IQCM: variants seen among roughly 807,000 people sequenced by gnomAD.
IQCM encodes the protein IQ domain-containing protein M.
Under a neutral mutation model 57.6 loss-of-function variants are expected in IQCM, and 45 were observed. The observed-to-expected ratio is 0.78, with a 90% CI of 0.62 to 1.00. The LOEUF (loss-of-function observed/expected upper bound fraction) is 1.00, where lower values mean the gene tolerates loss of function less well. Among genes scored for constraint, IQCM ranks in the 50% least tolerant of loss-of-function variants. The pLI is 0.00. For synonymous variants in IQCM, 148 were observed against 158.9 expected (o/e 0.93, Z 0.51); for missense variants, 468 against 511.6 (o/e 0.91, Z 0.82).
intron 8 of IQCM, among the ~76,000 whole-genome samples, chr4:149,615,240 T>G (rs1342551633): frequency 2.6e-5 from 4 of 152,126 alleles, no homozygotes; most frequent in Admixed American, 6.6e-5. Context: ...GATGAGAAAT[T>G]GCCTCAAGAA....
At chr4:149,524,412 T>G (rs1027874135) in intron 12 of IQCM, among the ~76,000 whole-genome samples, 1 of 152,100 alleles carries the variant, frequency 6.6e-6, no homozygotes. Context: ...TTAAGAGCTG[T>G]AAATTTAAGA....
At chr4:149,383,024 G>C (rs1307964343) in intron 13 of IQCM, among the ~76,000 whole-genome samples, 1 of 150,430 alleles carries the variant, frequency 6.6e-6, no homozygotes, top group Non-Finnish European at 1.5e-5. Context: ...ATTATACTGA[G>C]GCATCAATAC....
At chr4:149,759,191 TA>T (rs1202309102) in intron 2 of IQCM, among the ~76,000 whole-genome samples, 1 of 152,170 alleles carries the variant, frequency 6.6e-6, no homozygotes, top group Non-Finnish European at 1.5e-5. Context: ...TAATTTCAAC[TA>T]TATGATATTC....
chr4:149,743,619 G>A (rs1269749120), intron 2 of IQCM, among the ~76,000 whole-genome samples: 1 of 152,100 alleles, frequency 6.6e-6, no homozygotes, highest in African/African-American at 2.4e-5. Context: ...CTAGGCATCT[G>A]GCATTTTTGA....
intron 2 of IQCM, among the ~76,000 whole-genome samples, chr4:149,798,351 A>G (rs1004960474): frequency 6.6e-6 from 1 of 152,082 alleles, no homozygotes; most frequent in Non-Finnish European, 1.5e-5. Context: ...TGAATACACA[A>G]AAAATATAAA....
intron 2 of IQCM, among the ~76,000 whole-genome samples, chr4:149,758,084 G>A (rs937281807): frequency 5.3e-5 from 8 of 152,052 alleles, no homozygotes; most frequent in African/African-American, 1.7e-4. Context: ...ATAGATAAGT[G>A]GAACAGAATG....
rs188233791 is a variant in IQCM at position 149,570,803 on chromosome 4, T to C, written c.750-6913A>G. 7.9e-5 allele frequency among the ~76,000 whole-genome samples: 12 copies of C among 152,194 alleles called. No individual in the cohort carries two copies. In the East Asian group the frequency reaches 1.6e-3, roughly 20 times the overall value. ...ACTCAGTAAAACACCAAGTTAATGA[T>C]ATTGAATCAAAAGTTGCTAGAACAT... On this transcript the variant is annotated intron_variant, in intron 9 of 13. Coordinates refer to ENST00000636793, the MANE Select transcript of IQCM (RefSeq NM_001363507.2).
chr4:149,512,328 G>A (rs144508190), intron 12 of IQCM, among the ~76,000 whole-genome samples: 3 of 152,188 alleles, frequency 2.0e-5, no homozygotes, highest in Admixed American at 1.3e-4. Context: ...TAGAAATTGG[G>A]GATTTCAGCA....
intron 8 of IQCM, among the ~76,000 whole-genome samples, chr4:149,615,216 T>C (rs1299059547): frequency 6.6e-6 from 1 of 152,162 alleles, no homozygotes; most frequent in African/African-American, 2.4e-5. Context: ...GCAAACCTTT[T>C]AAAGAAGAGT....
At chr4:149,600,909 C>A (rs1287696469) in intron 8 of IQCM, among the ~76,000 whole-genome samples, 2 of 152,112 alleles carry the variant, frequency 1.3e-5, no homozygotes, top group Non-Finnish European at 2.9e-5. Flanking sequence ...CAACTGTGGT[C>A]CTATTTCATT....
At chr4:149,501,752 A>T (rs534421588) in intron 12 of IQCM, among the ~76,000 whole-genome samples, 45 of 152,320 alleles carry the variant, frequency 3.0e-4, no homozygotes, top group Admixed American at 1.2e-3. Context: ...TGGAGTCATG[A>T]ACAGTGCATG....
chr4:149,759,059 T>C (rs1388375404), intron 2 of IQCM, among the ~76,000 whole-genome samples: 1 of 152,164 alleles, frequency 6.6e-6, no homozygotes, highest in Non-Finnish European at 1.5e-5. Flanking sequence ...TATCCTTCAG[T>C]AGAATGAATT....
chr4:149,404,728 A>C lies in IQCM; in HGVS notation c.1390+28668T>G, dbSNP rs545270962. Among the ~76,000 whole-genome samples, 67 of 152,228 alleles carry C rather than the reference A, an allele frequency of 4.4e-4. 1 individual carries two copies. Among genetic ancestry groups the C allele is most frequent in the Admixed American group, 2.0e-3 (31 of 15,262 alleles). ...AGCGTTTGGAGTCTATAAATGAAAG[A>C]AAAGAATGTAGTCTCCAAGGGTGTA... On this transcript the variant is annotated intron_variant, in intron 13 of 13. Transcript: ENST00000636793.
chr4:149,806,467 C>T (rs2150058956), intron 2 of IQCM, among the ~76,000 whole-genome samples: 1 of 152,092 alleles, frequency 6.6e-6, no homozygotes, highest in East Asian at 1.9e-4. Flanking sequence ...AACCAATCTC[C>T]CTTCATCCTT....
intron 7 of IQCM, among the ~76,000 whole-genome samples, chr4:149,643,345 A>G (rs1417529938): frequency 6.6e-6 from 1 of 152,214 alleles, no homozygotes; most frequent in African/African-American, 2.4e-5. Flanking sequence ...AATGGGGAAA[A>G]GTAAATTTTA....
chr4:149,797,492 G>A (rs1025223347), intron 2 of IQCM, among the ~76,000 whole-genome samples: 1 of 152,010 alleles, frequency 6.6e-6, no homozygotes, highest in Non-Finnish European at 1.5e-5. Flanking sequence ...AGAGATAGGG[G>A]TGGAAAGCTT....
chr4:149,497,783 C>T (rs1173092904), intron 12 of IQCM, among the ~76,000 whole-genome samples: 1 of 151,050 alleles, frequency 6.6e-6, no homozygotes, highest in East Asian at 1.9e-4. Context: ...AAAGCAACCA[C>T]CCAAAAAGAA....
chr4:149,581,058 A>G (rs1752132793), intron 9 of IQCM, among the ~76,000 whole-genome samples: 1 of 151,678 alleles, frequency 6.6e-6, no homozygotes, highest in South Asian at 2.1e-4. Flanking sequence ...AGAGTGTGTT[A>G]GAAGATGATG....
intron 12 of IQCM, among the ~76,000 whole-genome samples, chr4:149,523,984 C>T (rs1028754120): frequency 6.6e-6 from 1 of 151,904 alleles, no homozygotes; most frequent in Non-Finnish European, 1.5e-5. Context: ...TGTATAATAA[C>T]CCTAACCAGG....
Sources: allele counts gnomAD v4.1 joint callset (sites outside exome capture counted in the v4.1 genomes callset), GRCh38; gene constraint gnomAD v4.1.1; transcripts MANE v1.5; gene names NCBI Gene and HGNC (gene_info 2026-07-23, HGNC 2026-07-21).